Variants in IL19 observed in about 807,000 individuals in gnomAD.
The protein encoded by IL19 is interleukin-19.
Under a neutral mutation model 19.5 loss-of-function variants are expected in IL19, and 15 were observed. The observed-to-expected ratio is 0.77, with a 90% CI of 0.52 to 1.19. The LOEUF (loss-of-function observed/expected upper bound fraction) is 1.19, where lower values mean the gene tolerates loss of function less well. Among genes scored for constraint, IL19 ranks in the 50% most tolerant of loss-of-function variants. IL19 has a pLI of 0.00. For missense variants in IL19, 199 were observed against 213.1 expected (o/e 0.93, Z 0.41); for synonymous variants, 78 against 78.3 (o/e 1.00, Z 0.02).
rs1262179470 is a variant in IL19 at position 206,770,825 on chromosome 1, G to A, written c.-402G>A. On this transcript the variant is annotated 5_prime_UTR_variant, in exon 1 of 7. The change creates a new upstream start codon in the 5' untranslated region. Coordinates refer to ENST00000659997, the MANE Select transcript of IL19 (RefSeq NM_153758.5). The stretch of plus-strand genomic sequence containing the variant: ...GCCAGTCTGTGTCTTTGCTGTGTCT[G>A]TGGATGTGAGTGTCCCTGCTGGTCT... 2.5e-5 allele frequency: 33 copies of A among 1,314,568 alleles called. No homozygotes were observed. The East Asian group carries it at 7.1e-4, about 28-fold the overall frequency. 81.4% of individuals were successfully genotyped at this position (1,314,568 alleles called of 1,614,324 possible).
At chr1:206,825,446 A>G (rs1000661845) in intron 2 of IL19, among the ~76,000 whole-genome samples, 5 of 152,224 alleles carry the variant, frequency 3.3e-5, no homozygotes, top group Admixed American at 1.3e-4. Flanking sequence ...TCAAGATCAA[A>G]ATTTTTCCTT....
chr1:206,809,938 A>G (rs1675956673), intron 2 of IL19, among the ~76,000 whole-genome samples: 1 of 152,168 alleles, frequency 6.6e-6, no homozygotes, highest in South Asian at 2.1e-4. Context: ...AAAACCTTAT[A>G]ACAACTTCAC....
chr1:206,791,095 A>G (rs979878822), intron 1 of IL19, among the ~76,000 whole-genome samples: 5 of 152,190 alleles, frequency 3.3e-5, no homozygotes, highest in Non-Finnish European at 7.3e-5. Context: ...TGGACCGTGT[A>G]TGTTGTATCC....
chr1:206,841,008 A>G lies in IL19; in HGVS notation c.368A>G (p.Glu123Gly). 6.2e-7 allele frequency: 1 copy of G among 1,613,778 alleles called. No individual in the cohort carries two copies. The highest frequency in any genetic ancestry group is 1.1e-5 in the South Asian group (1 of 91,076). The change falls in exon 6 of 7, where the codon GAA (glutamate) becomes GGA (glycine). Residue 123 changes from glutamate (E) to glycine (G), a missense_variant. Physicochemically the swap from Glu to Gly is moderately conservative, Grantham distance 98 (BLOSUM62 -2). Transcript: ENST00000659997. ...GCTTCCTCCACTTTATCACAGCAGGAACAGAGGCAGTGTCACTGCAGGCAG... is the reference window on the plus strand; with the variant it reads ...GCTTCCTCCACTTTATCACAGCAGGGACAGAGGCAGTGTCACTGCAGGCAG... Reference protein sequence around the residue: ...YMQKTLRQCQEQRQCHCRQEA... With the variant: ...YMQKTLRQCQGQRQCHCRQEA...
chr1:206,771,181 G>A (rs1043665980), intron 1 of IL19, 103 bp downstream of exon 1: 7 of 1,243,282 alleles, frequency 5.6e-6, no homozygotes, highest in African/African-American at 2.9e-5. Flanking sequence ...AAGCCTCCCC[G>A]AAGGGACTGA....
At chr1:206,803,253 G>A (rs1262224208) in intron 2 of IL19, among the ~76,000 whole-genome samples, 2 of 152,144 alleles carry the variant, frequency 1.3e-5, no homozygotes, top group Non-Finnish European at 2.9e-5. Flanking sequence ...GAGAACTTGG[G>A]GTGCCAGGAA....
At chr1:206,824,581 A>G (rs1397476134) in intron 2 of IL19, among the ~76,000 whole-genome samples, 2 of 152,148 alleles carry the variant, frequency 1.3e-5, no homozygotes, top group Non-Finnish European at 1.5e-5. Context: ...TATAGATGAG[A>G]AAACTGGGGC....
chr1:206,780,320 C>T lies in IL19; in HGVS notation c.-149+9242C>T, dbSNP rs559593437. Among the ~76,000 whole-genome samples the T allele has an allele frequency of 3.6e-4, 55 of 152,332 alleles. 1 individual carries two copies. The highest frequency in any genetic ancestry group is 1.2e-3 in the African/African-American group (49 of 41,556). On this transcript the variant is annotated intron_variant, in intron 1 of 6. Transcript: ENST00000659997. ...TGTTTGCTCAGTACTCAGCATGGTT[C>T]TGGGCACATCCAAGGTTCTCACTAA...
intron 2 of IL19, among the ~76,000 whole-genome samples, chr1:206,801,976 A>C (rs1675720066): frequency 6.6e-6 from 1 of 152,176 alleles, no homozygotes; most frequent in Non-Finnish European, 1.5e-5. Flanking sequence ...TGGAAGAAAC[A>C]GTTTGAACGA....
intron 6 of IL19, 108 bp downstream of exon 6, chr1:206,841,186 C>A: frequency 1.2e-6 from 1 of 836,080 alleles, no homozygotes; most frequent in Non-Finnish European, 2.0e-6. Flanking sequence ...ACTCTATAAG[C>A]AGCCATTGTG....
intron 2 of IL19, among the ~76,000 whole-genome samples, chr1:206,821,171 G>A (rs1676280534): frequency 6.6e-6 from 1 of 152,214 alleles, no homozygotes; most frequent in Non-Finnish European, 1.5e-5. Flanking sequence ...AGCATAGTGT[G>A]TAAGATACAG....
chr1:206,837,031 C>T lies in IL19; in HGVS notation c.210+8C>T. 6.2e-7 allele frequency: 1 copy of T among 1,605,820 alleles called. No homozygotes were observed. The highest frequency in any genetic ancestry group is 8.5e-7 in the Non-Finnish European group (1 of 1,172,878). The stretch of plus-strand genomic sequence containing the variant: ...ACTCTGCAGATCATTAAGGTATTGG[C>T]CTGTGTCTGCTTTTTCCAGTATTTT... On this transcript the variant is annotated splice_region_variant and intron_variant, in intron 4 of 6. Coordinates refer to ENST00000659997, the MANE Select transcript of IL19 (RefSeq NM_153758.5).
At chr1:206,813,851 C>T (rs1000978277) in intron 2 of IL19, among the ~76,000 whole-genome samples, 1 of 152,050 alleles carries the variant, frequency 6.6e-6, no homozygotes, top group Non-Finnish European at 1.5e-5. Flanking sequence ...ATAGGGTGGG[C>T]GGGCCTCATT....
In IL19 at chr1:206,816,310, T is replaced by A. The variant is rs146643658; in HGVS notation, c.-3+17304T>A. ...AATATCTTTAAAAGATAATTATTTT[T>A]AAAAAATAATGTACTTTGGAATTTA... On this transcript the variant is annotated intron_variant, in intron 2 of 6. Transcript: ENST00000659997. Among the ~76,000 whole-genome samples, 602 of 152,264 alleles carry A rather than the reference T, an allele frequency of 4.0e-3. 7 individuals are homozygous for A. Among genetic ancestry groups the A allele is most frequent in the African/African-American group, 0.014 (566 of 41,556 alleles).
intron 4 of IL19, among the ~76,000 whole-genome samples, chr1:206,839,496 T>A (rs1377138690): frequency 1.3e-5 from 2 of 152,196 alleles, no homozygotes; most frequent in Admixed American, 1.3e-4. Flanking sequence ...CAGCCATCAG[T>A]CCTTTTAAAA....
At position 206,770,967 on chromosome 1, in the gene IL19, C is replaced by T; in HGVS notation, c.-260C>T. The T allele has an allele frequency of 6.2e-7, 1 of 1,614,186 alleles. No individual in the cohort carries two copies. The highest frequency in any genetic ancestry group is 8.5e-7 in the Non-Finnish European group (1 of 1,180,018). On this transcript the variant is annotated 5_prime_UTR_variant, in exon 1 of 7. Coordinates refer to ENST00000659997, the MANE Select transcript of IL19 (RefSeq NM_153758.5). The stretch of plus-strand genomic sequence containing the variant: ...TCTCCCCCAGGGAGTTCACATGCGC[C>T]TTGATGTCTGGGTCTTGGTTCTCAG...
chr1:206,806,198 C>T (rs187659615), intron 2 of IL19, among the ~76,000 whole-genome samples: 1 of 152,206 alleles, frequency 6.6e-6, no homozygotes, highest in Admixed American at 6.5e-5. Flanking sequence ...CAGCACACAC[C>T]CACTCCTGGG....
intron 2 of IL19, among the ~76,000 whole-genome samples, chr1:206,824,998 T>A (rs1676394548): frequency 6.6e-6 from 1 of 152,190 alleles, no homozygotes; most frequent in Admixed American, 6.5e-5. Context: ...TCAGGCAATC[T>A]GTCCACCTCG....
chr1:206,814,678 A>T (rs1676102243), intron 2 of IL19, among the ~76,000 whole-genome samples: 1 of 141,660 alleles, frequency 7.1e-6, no homozygotes, highest in Admixed American at 7.5e-5. Flanking sequence ...TGGGCAACAG[A>T]GTGAAACTCT....
Sources: gnomAD v4.1 joint callset for allele counts (sites outside exome capture counted in the v4.1 genomes callset) on GRCh38, gnomAD v4.1.1 for gene constraint, MANE v1.5 for transcripts, NCBI Gene and HGNC (gene_info 2026-07-23, HGNC 2026-07-21) for gene names.